Variants in TRIO observed in about 807,000 individuals in gnomAD.
TRIO encodes the protein trio Rho guanine nucleotide exchange factor.
A neutral mutation model predicts 351.9 loss-of-function variants in TRIO; 58 were observed. The ratio of observed to expected loss-of-function variants is 0.16; its 90% confidence interval spans 0.13 to 0.21. TRIO has a LOEUF of 0.21. Among genes scored for constraint, TRIO ranks in the 10% least tolerant of loss-of-function variants. The pLI is 1.00. For synonymous variants in TRIO, 1,758 were observed against 1,595.7 expected, an observed-to-expected ratio of 1.10 and a Z score of -2.42; for missense variants, 3,201 against 4,027.8, an observed-to-expected ratio of 0.79 and a Z score of 5.56.
chr5:14,202,143 A>T lies in TRIO; in HGVS notation c.157+58261A>T, dbSNP rs183491926. 9.9e-5 allele frequency among the ~76,000 whole-genome samples: 15 copies of T among 152,152 alleles called. No individual in the cohort carries two copies. The East Asian group carries it at 2.9e-3, about 29-fold the overall frequency. On this transcript the variant is annotated intron_variant, in intron 1 of 56. Transcript: ENST00000344204. ...TTAAAAAAAAAAAAGAAAAAAGGTG[A>T]AAAGTTCTGTTATGAACTTGTGAAA...
chr5:14,502,506 T>C lies in TRIO; in HGVS notation c.8333-73T>C, dbSNP rs553555705. 2.7e-4 allele frequency: 399 copies of C among 1,496,130 alleles called. 5 individuals are homozygous for C. In the East Asian group the frequency reaches 7.0e-3, roughly 26 times the overall value. The allele number at this position is 1,496,130 out of a possible 1,614,324, so 92.7% of individuals were successfully genotyped here. On this transcript the variant is annotated intron_variant, in intron 53 of 56. Coordinates refer to ENST00000344204, the MANE Select transcript of TRIO (RefSeq NM_007118.4). ...CACGCGCAGCTGCTGTGAGGGACAG[T>C]GCGTGGCGATAGCCTTCTTACCCAA...
intron 35 of TRIO, among the ~76,000 whole-genome samples, chr5:14,462,143 G>A (rs1753868519): frequency 6.6e-6 from 1 of 152,158 alleles, no homozygotes; most frequent in Non-Finnish European, 1.5e-5. Flanking sequence ...GATTTATTTG[G>A]CAGATAGCTG....
chr5:14,272,040 A>G (rs1796006684), intron 2 of TRIO, among the ~76,000 whole-genome samples: 1 of 152,216 alleles, frequency 6.6e-6, no homozygotes, highest in Non-Finnish European at 1.5e-5. Flanking sequence ...AATTGTTGGA[A>G]ATACATGGTG....
chr5:14,327,024 T>C (rs2152313091), intron 9 of TRIO, among the ~76,000 whole-genome samples: 1 of 152,372 alleles, frequency 6.6e-6, no homozygotes, highest in East Asian at 1.9e-4. Context: ...TTTCACCTGG[T>C]ATTTACATTT....
At chr5:14,454,688 A>G (rs1437596002) in intron 34 of TRIO, among the ~76,000 whole-genome samples, 1 of 152,344 alleles carries the variant, frequency 6.6e-6, no homozygotes, top group South Asian at 2.1e-4. Flanking sequence ...ACAACCAGAC[A>G]TGGTGCCCTG....
intron 8 of TRIO, among the ~76,000 whole-genome samples, chr5:14,315,395 G>T (rs1306442752): frequency 6.6e-6 from 1 of 152,010 alleles, no homozygotes; most frequent in Non-Finnish European, 1.5e-5. Context: ...TGGGACTACA[G>T]GTGCCCGCCA....
intron 53 of TRIO, among the ~76,000 whole-genome samples, chr5:14,500,925 A>G (rs890145754): frequency 8.6e-5 from 13 of 151,376 alleles, no homozygotes; most frequent in African/African-American, 2.9e-4. Flanking sequence ...ACACAGGGAA[A>G]AAGAAAGGTG....
At chr5:14,434,080 C>T (rs1751395494) in intron 34 of TRIO, among the ~76,000 whole-genome samples, 1 of 152,124 alleles carries the variant, frequency 6.6e-6, no homozygotes, top group African/African-American at 2.4e-5. Flanking sequence ...ATAACAGACA[C>T]TTGAAATTGA....
intron 1 of TRIO, among the ~76,000 whole-genome samples, chr5:14,162,726 T>G (rs1479805547): frequency 6.6e-6 from 1 of 152,218 alleles, no homozygotes; most frequent in African/African-American, 2.4e-5. Context: ...TTGCAAGTAT[T>G]ATATGATCAT....
intron 54 of TRIO, among the ~76,000 whole-genome samples, chr5:14,503,666 C>G (rs1178181357): frequency 6.6e-6 from 1 of 152,248 alleles, no homozygotes; most frequent in Admixed American, 6.5e-5. Flanking sequence ...TCCTCCACAT[C>G]CTGTGGGCCA....
chr5:14,279,431 T>C (rs2440982), intron 2 of TRIO, among the ~76,000 whole-genome samples: 67,769 of 151,974 alleles, frequency 0.45, 17,260 homozygotes, highest in East Asian at 0.59. Flanking sequence ...ATGAAGAGTT[T>C]TGTATTGTGA....
intron 3 of TRIO, among the ~76,000 whole-genome samples, chr5:14,283,026 T>A (rs145167386): frequency 1.3e-3 from 193 of 152,288 alleles, no homozygotes; most frequent in Middle Eastern, 6.8e-3. Flanking sequence ...CTGCAGGTGC[T>A]ACCCCTAGTG....
intron 34 of TRIO, among the ~76,000 whole-genome samples, chr5:14,429,052 GT>G (rs1750881992): frequency 6.6e-6 from 1 of 152,214 alleles, no homozygotes; most frequent in Non-Finnish European, 1.5e-5. Flanking sequence ...GTTCACTCTA[GT>G]TAGCATTTGC....
At chr5:14,488,547 C>T in intron 48 of TRIO, 1 of 527,322 alleles carries the variant, frequency 1.9e-6, no homozygotes, top group South Asian at 3.2e-5. Flanking sequence ...CTTCTTGGAA[C>T]TTTCTTTTTT....
intron 8 of TRIO, among the ~76,000 whole-genome samples, chr5:14,305,967 C>T (rs139787209): frequency 3.3e-4 from 51 of 152,348 alleles, no homozygotes; most frequent in Non-Finnish European, 6.2e-4. Flanking sequence ...AGGTTTGTAG[C>T]CTGGAGCAGT....
intron 47 of TRIO, among the ~76,000 whole-genome samples, chr5:14,486,354 C>G (rs557498981): frequency 2.0e-5 from 3 of 152,326 alleles, no homozygotes; most frequent in African/African-American, 7.2e-5. Context: ...CATAGGCACT[C>G]AGTGAAAAAT....
chr5:14,427,118 G>A (rs147697052), intron 34 of TRIO, among the ~76,000 whole-genome samples: 216 of 152,266 alleles, frequency 1.4e-3, no homozygotes, highest in African/African-American at 4.5e-3. Flanking sequence ...AAGCCAGGGT[G>A]TGTTTCCATC....
chr5:14,495,637 A>AGT (rs981279161), intron 49 of TRIO, among the ~76,000 whole-genome samples: 2 of 122,114 alleles, frequency 1.6e-5, no homozygotes, highest in Non-Finnish European at 3.2e-5. Flanking sequence ...TGGCCAACAT[A>AGT]GTGAAACCCC....
At chr5:14,357,485 T>C (rs1429838746) in intron 11 of TRIO, among the ~76,000 whole-genome samples, 5 of 152,196 alleles carry the variant, frequency 3.3e-5, no homozygotes, top group African/African-American at 1.2e-4. Flanking sequence ...TTCTTGCCAC[T>C]CTCATTCCAG....
Sources: gnomAD v4.1 joint callset for allele counts (sites outside exome capture counted in the v4.1 genomes callset) on GRCh38, gnomAD v4.1.1 for gene constraint, MANE v1.5 for transcripts, NCBI Gene and HGNC (gene_info 2026-07-23, HGNC 2026-07-21) for gene names.